The following CDC42BPA variants were observed in gnomAD, a reference collection of about 807,000 sequenced individuals.
The protein encoded by CDC42BPA is serine/threonine-protein kinase MRCK alpha.
Under a neutral mutation model 223.5 loss-of-function variants are expected in CDC42BPA, and 80 were observed. The ratio of observed to expected loss-of-function variants is 0.36; its 90% CI spans 0.30 to 0.43. CDC42BPA has a LOEUF of 0.43. Among genes scored for constraint, CDC42BPA ranks in the 20% least tolerant of loss-of-function variants. CDC42BPA has a pLI of 1.00. For synonymous variants in CDC42BPA, 694 were observed against 718.6 expected (o/e 0.97, Z 0.55); for missense variants, 1,743 against 2,099.9 (o/e 0.83, Z 3.32).
At chr1:227,199,401 GA>G in intron 4 of CDC42BPA, among the ~76,000 whole-genome samples, 155 bp downstream of exon 4, 2 of 149,972 alleles carry the variant, frequency 1.3e-5, no homozygotes, top group South Asian at 2.1e-4. Flanking sequence ...TTTCCAGGGA[GA>G]AAAAAAAACA....
At chr1:227,300,642 G>A (rs115769147) in intron 1 of CDC42BPA, among the ~76,000 whole-genome samples, 1 of 152,154 alleles carries the variant, frequency 6.6e-6, no homozygotes, top group Admixed American at 6.5e-5. Flanking sequence ...AAGGCAGACA[G>A]AGTAGTATAA....
At chr1:227,195,388 T>A (rs904086405) in intron 4 of CDC42BPA, among the ~76,000 whole-genome samples, 10 of 152,122 alleles carry the variant, frequency 6.6e-5, no homozygotes, top group African/African-American at 2.4e-4. Flanking sequence ...GAGACGGGGT[T>A]TCACCACGTT....
intron 15 of CDC42BPA, among the ~76,000 whole-genome samples, chr1:227,099,290 G>T (rs1359433221): frequency 6.6e-6 from 1 of 151,482 alleles, no homozygotes; most frequent in African/African-American, 2.4e-5. Context: ...AGGTCCTTCA[G>T]GAAGTATTCC....
chr1:227,026,203 C>T (rs1188567533), intron 30 of CDC42BPA, 51 bp from the exon 31 acceptor site: 6 of 968,718 alleles, frequency 6.2e-6, no homozygotes, highest in Non-Finnish European at 9.7e-6. Flanking sequence ...AACTATTAAA[C>T]CCCAAATATT....
chr1:227,254,891 T>C (rs999565899), intron 1 of CDC42BPA, among the ~76,000 whole-genome samples: 12 of 152,098 alleles, frequency 7.9e-5, no homozygotes, highest in Non-Finnish European at 1.6e-4. Context: ...TTTGACAATG[T>C]AGATATTCCA....
chr1:227,068,716 C>T, intron 21 of CDC42BPA: 5 of 1,096,370 alleles, frequency 4.6e-6, no homozygotes, highest in Non-Finnish European at 5.9e-6. Context: ...TTAACGAATA[C>T]AGCAATAAAA....
At chr1:227,053,038 C>T (rs1673860900) in intron 21 of CDC42BPA, among the ~76,000 whole-genome samples, 1 of 152,118 alleles carries the variant, frequency 6.6e-6, no homozygotes. Context: ...GAAGGTTCCC[C>T]TAGAAATTAA....
chr1:227,085,386 T>G (rs905845693), intron 16 of CDC42BPA, among the ~76,000 whole-genome samples: 1 of 152,330 alleles, frequency 6.6e-6, no homozygotes, highest in East Asian at 1.9e-4. Context: ...CATTTAAAAA[T>G]GTAAAGATCA....
intron 15 of CDC42BPA, among the ~76,000 whole-genome samples, chr1:227,097,187 A>C (rs921290380): frequency 7.9e-5 from 12 of 151,788 alleles, no homozygotes; most frequent in Non-Finnish European, 1.5e-4. Context: ...ACACACACAC[A>C]CCCACACAAC....
At chr1:227,118,925 A>C (rs1688195599) in intron 12 of CDC42BPA, among the ~76,000 whole-genome samples, 1 of 152,144 alleles carries the variant, frequency 6.6e-6, no homozygotes, top group East Asian at 1.9e-4. Context: ...CTATTCTTTA[A>C]TAGCGTTCTC....
intron 6 of CDC42BPA, among the ~76,000 whole-genome samples, chr1:227,150,558 G>A (rs1172767826): frequency 1.3e-5 from 2 of 151,810 alleles, no homozygotes; most frequent in African/African-American, 2.4e-5. Context: ...ATTTCCTTTC[G>A]GCTAAACAAG....
intron 2 of CDC42BPA, chr1:227,234,187 C>A (rs1678562081): frequency 6.6e-6 from 1 of 152,130 alleles, no homozygotes; most frequent in South Asian, 2.1e-4. Context: ...GTGGGTCTGG[C>A]CACCTTTTCT....
At chr1:227,148,760 C>T (rs1259042390) in intron 6 of CDC42BPA, among the ~76,000 whole-genome samples, 3 of 68,172 alleles carry the variant, frequency 4.4e-5, no homozygotes, top group Admixed American at 2.3e-4. Context: ...GAGCAAGACT[C>T]GGTCTCAAAA....
rs2148705644 is a variant in CDC42BPA, at chr1:227,035,562, G to A, written c.3245C>T (p.Thr1082Ile). ...CHITCVNKAP[T>I]TCPVPPEQTK... ...CTGTTCAGGAGGAACTGGACAAGTGGTTGGAGCTTTGTTTACACAAGTTAT... is the reference window on the plus strand; with the variant it reads ...CTGTTCAGGAGGAACTGGACAAGTGATTGGAGCTTTGTTTACACAAGTTAT... Residue 1082 changes from threonine (T) to isoleucine (I), a missense_variant, in exon 25 of 37, where the codon ACC becomes ATC. By Grantham distance (89) the Thr-to-Ile change is moderately conservative. Around this residue, in one of 6 missense-constraint regions of CDC42BPA, gnomAD observed 678 missense variants for 777.5 expected, o/e 0.87. Coordinates refer to ENST00000366766, the MANE Select transcript of CDC42BPA (RefSeq NM_001394014.1). 3 of 1,609,742 alleles carry A rather than the reference G, an allele frequency of 1.9e-6. No individual in the cohort carries two copies. Among genetic ancestry groups the A allele is most frequent in the Non-Finnish European group, 2.5e-6 (3 of 1,178,764 alleles).
At position 226,993,406 on chromosome 1, in the gene CDC42BPA, A is replaced by T; in HGVS notation, c.*862T>A. 6.6e-6 allele frequency: 1 copy of T among 152,268 alleles called. No individual in the cohort carries two copies. The highest frequency in any genetic ancestry group is 1.5e-5 in the Non-Finnish European group (1 of 68,052). 9.4% of individuals were successfully genotyped at this position (152,268 alleles called of 1,614,324 possible). A position where few individuals can be genotyped will look rare whatever the true frequency, so the allele number is the denominator to read the frequency against. Reference sequence around the variant, plus strand: ...GTTCGCCTTTTGCTGCTGCTGCTGAAGTGGCTTCAAATGTTAAAGCTCTGG... The same window carrying T: ...GTTCGCCTTTTGCTGCTGCTGCTGATGTGGCTTCAAATGTTAAAGCTCTGG... On this transcript the variant is annotated 3_prime_UTR_variant, in exon 37 of 37. Coordinates refer to ENST00000366766, the MANE Select transcript of CDC42BPA (RefSeq NM_001394014.1).
chr1:227,072,139 T>C (rs1379216228), intron 20 of CDC42BPA, 69 bp downstream of exon 20: 4 of 866,628 alleles, frequency 4.6e-6, no homozygotes, highest in Middle Eastern at 2.3e-4. Flanking sequence ...ATGAATTGAT[T>C]CTTCTGTAAT....
intron 21 of CDC42BPA, among the ~76,000 whole-genome samples, chr1:227,060,567 T>A (rs1202835935): frequency 6.6e-6 from 1 of 152,010 alleles, no homozygotes. Context: ...CAGAGAAGAT[T>A]TTCTTGGGGA....
chr1:227,230,911 C>T (rs1397575924), intron 2 of CDC42BPA, among the ~76,000 whole-genome samples: 1 of 149,574 alleles, frequency 6.7e-6, no homozygotes, highest in African/African-American at 2.5e-5. Flanking sequence ...ATCTCCGACA[C>T]CCGGGTTCAA....
intron 2 of CDC42BPA, among the ~76,000 whole-genome samples, chr1:227,220,661 T>C (rs576837671): frequency 7.1e-6 from 1 of 141,060 alleles, no homozygotes; most frequent in African/African-American, 2.7e-5. Flanking sequence ...ATGCCAACTC[T>C]AAATGTTTTT....
Sources: allele counts gnomAD v4.1 joint callset (sites outside exome capture counted in the v4.1 genomes callset), GRCh38; gene constraint gnomAD v4.1.1; regional missense constraint gnomAD v4.1.1; transcripts MANE v1.5; gene names NCBI Gene and HGNC (gene_info 2026-07-23, HGNC 2026-07-21).